HMGXB4: variants seen among roughly 807,000 people sequenced by gnomAD.
The protein encoded by HMGXB4 is HMG-box containing 4, also known as HMG domain-containing protein 4.
In HMGXB4, 27 loss-of-function variants were observed where a neutral mutation model predicts 63.9. The observed-to-expected ratio is 0.42, with a 90% CI of 0.31 to 0.58. The LOEUF is 0.58. Among genes scored for constraint, HMGXB4 ranks in the 20% least tolerant of loss-of-function variants. HMGXB4 has a pLI of 0.13. For missense variants in HMGXB4, 624 were observed against 700.7 expected (o/e 0.89, Z 1.24); for synonymous variants, 264 against 265.3 (o/e 0.99, Z 0.05).
At chr22:35,243,142 G>T in the HMGXB4 span, among the ~76,000 whole-genome samples, 2 of 152,150 alleles carry the variant, frequency 1.3e-5, no homozygotes, top group Non-Finnish European at 1.5e-5. Context: ...ATGCCAAGGC[G>T]GGTGGATCAC....
At chr22:35,284,607 A>G (rs1601641076) in intron 6 of HMGXB4, among the ~76,000 whole-genome samples, 2 of 152,272 alleles carry the variant, frequency 1.3e-5, no homozygotes, top group East Asian at 3.8e-4. Flanking sequence ...AGTGTTGAAT[A>G]TCTTATGTAA....
chr22:35,260,848 ACT>A (rs1197301038), intron 1 of HMGXB4, among the ~76,000 whole-genome samples: 1 of 152,062 alleles, frequency 6.6e-6, no homozygotes, highest in African/African-American at 2.4e-5. Flanking sequence ...TTTTAATGTA[ACT>A]CTTATGAAAG....
At chr22:35,268,300 A>G (rs938183498) in intron 5 of HMGXB4, among the ~76,000 whole-genome samples, 3 of 151,976 alleles carry the variant, frequency 2.0e-5, no homozygotes, top group Admixed American at 6.6e-5. Flanking sequence ...TCACTTTTAC[A>G]TTTCCCCCTT....
In HMGXB4 at chr22:35,263,225, A is replaced by C; in HGVS notation, c.179A>C (p.Lys60Thr). ...AGGAATTCTTCCAAGAAGAAGTTGA[A>C]GGTAAGTCCTGAAAATTTAAATTAG... ...QVRNSSKKKL[K>T]DSELYFLGTD... Residue 60 changes from lysine (K) to threonine (T), a missense_variant and splice_region_variant, in exon 3 of 11, where the codon AAG (lysine) becomes ACG (threonine). Around this residue, in one of 2 missense-constraint regions of HMGXB4, gnomAD observed 472 missense variants for 470.6 expected, o/e 1.00. Transcript: ENST00000216106. 6.2e-7 allele frequency: 1 copy of C among 1,607,006 alleles called. No individual in the cohort carries two copies. Among genetic ancestry groups the C allele is most frequent in the Non-Finnish European group, 8.5e-7 (1 of 1,177,390 alleles).
At chr22:35,261,176 G>A (rs577268901) in intron 1 of HMGXB4, among the ~76,000 whole-genome samples, 2 of 152,138 alleles carry the variant, frequency 1.3e-5, no homozygotes, top group Non-Finnish European at 2.9e-5. Context: ...GGTGGCTCAC[G>A]CCTGTAATCC....
Position 35,265,234 on chromosome 22 carries a change from T to C in HMGXB4, c.846T>C (p.Leu282=), listed in dbSNP as rs141856411. ...SQFAESHSAN[L]DLSGLEPILV... ...TCGCAGAGTCCCACAGTGCTAACCT[T>C]GATCTTTCAGGGCTTGAACCTATTC... Residue 282 remains leucine, a synonymous_variant, in exon 5 of 11, where the codon CTT becomes CTC. Transcript: ENST00000216106. The C allele has an allele frequency of 4.9e-4, 783 of 1,614,086 alleles. 3 individuals carry two copies. The highest frequency in any genetic ancestry group is 4.5e-3 in the African/African-American group (334 of 75,010).
At chr22:35,257,692 G>C (rs980561810) in intron 1 of HMGXB4, 135 bp downstream of exon 1, 1 of 152,468 alleles carries the variant, frequency 6.6e-6, no homozygotes, top group African/African-American at 2.4e-5. Context: ...TCGCGGCCTA[G>C]CCCAGGGGCC....
At position 35,287,441 on chromosome 22, in the gene HMGXB4, T is replaced by C. The variant is rs983247372; in HGVS notation, c.1457T>C (p.Met486Thr). The part of the protein sequence containing the change: ...KRKASSSEGS[M>T]KVKASSVGVL... ...AAAGCATCCAGCTCAGAAGGTTCCA[T>C]GAAAGTCAAAGGTAGTGACCACATC... Residue 486 changes from methionine to threonine, a missense_variant, in exon 8 of 11, where the codon ATG becomes ACG. Transcript: ENST00000216106. 2 of 1,611,938 alleles carry C rather than the reference T, an allele frequency of 1.2e-6. No individual in the cohort carries two copies. Among genetic ancestry groups the C allele is most frequent in the South Asian group, 1.1e-5 (1 of 90,878 alleles).
rs1925125894 is a variant in HMGXB4, at chr22:35,294,373, C to T, written c.*722C>T. 2 of 152,582 alleles carry T rather than the reference C, an allele frequency of 1.3e-5. No individual in the cohort carries two copies. Among genetic ancestry groups the T allele is most frequent in the Non-Finnish European group, 1.5e-5 (1 of 68,026 alleles). 9.5% of individuals were successfully genotyped at this position (152,582 alleles called of 1,614,324 possible). On this transcript the variant is annotated 3_prime_UTR_variant, in exon 11 of 11. Transcript: ENST00000216106. The stretch of plus-strand genomic sequence containing the variant: ...GCTGTCAATGCCACCAGTTGGACCT[C>T]CATACATTCTGAGCTAACCCAGAAT...
At chr22:35,270,375 T>C (rs538738285) in intron 5 of HMGXB4, among the ~76,000 whole-genome samples, 269 of 152,268 alleles carry the variant, frequency 1.8e-3, no homozygotes, top group Non-Finnish European at 3.0e-3. Flanking sequence ...GAAAATAAGC[T>C]CAGGGCTCCC....
At chr22:35,261,158 C>T (rs1419139020) in intron 1 of HMGXB4, among the ~76,000 whole-genome samples, 1 of 152,214 alleles carries the variant, frequency 6.6e-6, no homozygotes, top group African/African-American at 2.4e-5. Context: ...TTTACCTTGG[C>T]TGGGCGCGGT....
intron 2 of HMGXB4, chr22:35,262,708 G>C (rs141188448): frequency 1.9e-6 from 1 of 524,848 alleles, no homozygotes; most frequent in African/African-American, 1.9e-5. Flanking sequence ...GCAGGAGTCT[G>C]GGGATAGGAA....
chr22:35,287,028 T>C (rs1924628607), intron 7 of HMGXB4: 1 of 234,786 alleles, frequency 4.3e-6, no homozygotes, highest in Admixed American at 4.9e-5. Context: ...ACTAGCAGGT[T>C]AGTAGAACCA....
At position 35,265,177 on chromosome 22, in the gene HMGXB4, C is replaced by G; in HGVS notation, c.789C>G (p.Gly263=). ...CCTCAGACGCACATTCATCTCCTGG[C>G]CCTGAAGGCTGTGGGTCTGACGCCT... ...KSSSDAHSSP[G]PEGCGSDASQ... The change falls in exon 5 of 11, where the codon GGC becomes GGG. Residue 263 remains glycine, a synonymous_variant. Transcript: ENST00000216106. The G allele has an allele frequency of 6.2e-7, 1 of 1,614,110 alleles. No individual in the cohort carries two copies. The highest frequency in any genetic ancestry group is 1.1e-5 in the South Asian group (1 of 91,062).
upstream of HMGXB4, among the ~76,000 whole-genome samples, chr22:35,253,132 C>CAAAAAAAAAAAAAAAAAAAAA (rs554912249): frequency 3.1e-5 from 3 of 96,556 alleles, no homozygotes; most frequent in African/African-American, 5.2e-5. Context: ...AACTCCATCT[C>CAAAAAAAAAAAAAAAAAAAAA]AAAAAAAAAA....
At position 35,264,832 on chromosome 22, in the gene HMGXB4, C is replaced by A. The variant is rs1923089704; in HGVS notation, c.444C>A (p.His148Gln). ...ATTCGGAGAGTAAAAAGGAGCACCA[C>A]AGGAAGAAAGTCAGTGGAAGCAGTG... Reference protein sequence around the residue: ...SSHSESKKEHHRKKVSGSSGE... With the variant: ...SSHSESKKEHQRKKVSGSSGE... Residue 148 changes from histidine to glutamine, a missense_variant, in exon 5 of 11, where the codon CAC (histidine) becomes CAA (glutamine). Physicochemically the swap from His to Gln is conservative, Grantham distance 24. Transcript: ENST00000216106. The A allele has an allele frequency of 6.2e-7, 1 of 1,614,054 alleles. No individual in the cohort carries two copies. Among genetic ancestry groups the A allele is most frequent in the Non-Finnish European group, 8.5e-7 (1 of 1,179,978 alleles).
At chr22:35,255,654 C>T (rs1156702017), upstream of HMGXB4, among the ~76,000 whole-genome samples, 3 of 152,262 alleles carry the variant, frequency 2.0e-5, no homozygotes, top group East Asian at 1.9e-4. Flanking sequence ...AAAGGACCAG[C>T]TTGAGTTACC....
At chr22:35,258,219 C>T (rs928854567) in intron 1 of HMGXB4, 3 of 152,186 alleles carry the variant, frequency 2.0e-5, no homozygotes, top group Admixed American at 6.5e-5. Context: ...GCGTGCAACC[C>T]GGCTTGGCCG....
chr22:35,289,595 G>C (rs573448229), intron 9 of HMGXB4, among the ~76,000 whole-genome samples: 1 of 152,312 alleles, frequency 6.6e-6, no homozygotes, highest in East Asian at 1.9e-4. Context: ...ATATTCAATT[G>C]TATAGGAGAT....
Sources: allele counts gnomAD v4.1 joint callset (sites outside exome capture counted in the v4.1 genomes callset), GRCh38; gene constraint gnomAD v4.1.1; regional missense constraint gnomAD v4.1.1; transcripts MANE v1.5; gene names NCBI Gene and HGNC (gene_info 2026-07-23, HGNC 2026-07-21).